AUTS2: variants seen among roughly 807,000 people sequenced by gnomAD.
The protein encoded by AUTS2 is activator of transcription and developmental regulator AUTS2.
In AUTS2, 17 loss-of-function variants were observed where a neutral mutation model predicts 112.4. That is an observed-to-expected ratio of 0.15 (90% CI 0.10 to 0.23). The LOEUF (loss-of-function observed/expected upper bound fraction) is 0.23. Among genes scored for constraint, AUTS2 ranks in the 10% least tolerant of loss-of-function variants. The pLI is 1.00. For missense variants in AUTS2, 1,510 were observed against 1,701.6 expected (o/e 0.89, Z 1.98); for synonymous variants, 751 against 702.7 (o/e 1.07, Z -1.09).
At chr7:69,861,363 A>T (rs2129532522) in intron 1 of AUTS2, among the ~76,000 whole-genome samples, 1 of 152,174 alleles carries the variant, frequency 6.6e-6, no homozygotes, top group African/African-American at 2.4e-5. Flanking sequence ...TTTTGGAGGG[A>T]CATGGTGCTC....
At chr7:70,293,625 T>C (rs1450293365) in intron 4 of AUTS2, 2 of 152,188 alleles carry the variant, frequency 1.3e-5, no homozygotes, top group East Asian at 3.9e-4. Context: ...CCTTTTTCTC[T>C]GAATTTATTT....
intron 1 of AUTS2, among the ~76,000 whole-genome samples, chr7:69,704,585 A>T (rs1279221774): frequency 6.6e-6 from 1 of 152,138 alleles, no homozygotes; most frequent in East Asian, 1.9e-4. Flanking sequence ...ATACCATTAT[A>T]GCCTAATTTT....
chr7:70,729,851 A>G (rs899535428), intron 6 of AUTS2, among the ~76,000 whole-genome samples: 3 of 124,640 alleles, frequency 2.4e-5, no homozygotes, highest in Non-Finnish European at 5.0e-5. Flanking sequence ...CTGTTTGCCC[A>G]TTGTATGTAT....
At chr7:69,798,499 T>A (rs1789946650) in intron 1 of AUTS2, among the ~76,000 whole-genome samples, 1 of 152,144 alleles carries the variant, frequency 6.6e-6, no homozygotes, top group Non-Finnish European at 1.5e-5. Context: ...CTGTGGCCCC[T>A]AATTTTTTTT....
intron 1 of AUTS2, among the ~76,000 whole-genome samples, chr7:69,894,036 T>C (rs1018740982): frequency 1.3e-5 from 2 of 152,170 alleles, no homozygotes; most frequent in African/African-American, 2.4e-5. Context: ...ACTGTGACCC[T>C]GCCCTCCATC....
intron 5 of AUTS2, among the ~76,000 whole-genome samples, chr7:70,607,556 G>C (rs1803849899): frequency 6.6e-6 from 1 of 152,152 alleles, no homozygotes; most frequent in Non-Finnish European, 1.5e-5. Flanking sequence ...TGGATGCTGG[G>C]TGATTTCTAC....
intron 3 of AUTS2, among the ~76,000 whole-genome samples, chr7:70,125,721 A>T (rs1805936368): frequency 6.6e-6 from 1 of 151,042 alleles, no homozygotes; most frequent in Non-Finnish European, 1.5e-5. Context: ...TGGCATGAAA[A>T]CTCTCCAGGC....
At chr7:70,716,800 G>A (rs1190410335) in intron 6 of AUTS2, among the ~76,000 whole-genome samples, 1 of 152,080 alleles carries the variant, frequency 6.6e-6, no homozygotes, top group African/African-American at 2.4e-5. Context: ...ACCATGGGCG[G>A]CAGGCTGTCA....
chr7:70,221,668 C>A (rs1039796583), intron 4 of AUTS2, among the ~76,000 whole-genome samples: 3 of 152,222 alleles, frequency 2.0e-5, no homozygotes, highest in African/African-American at 7.2e-5. Flanking sequence ...GGGCAGATCA[C>A]CTGAGGTCAG....
chr7:70,344,291 G>T lies in AUTS2; in HGVS notation c.661-91461G>T, dbSNP rs187686943. Among the ~76,000 whole-genome samples the T allele has an allele frequency of 2.2e-3, 340 of 152,146 alleles. 1 individual carries two copies. The highest frequency in any genetic ancestry group is 3.6e-3 in the Non-Finnish European group (242 of 67,984). ...TGCAAGGTAAAGTCAAGAGAACCTA[G>T]GGCAGAAAAAAATACGAGGCATGAG... On this transcript the variant is annotated intron_variant, in intron 4 of 18. Transcript: ENST00000342771.
At chr7:70,743,408 G>T (rs1410908618) in intron 6 of AUTS2, among the ~76,000 whole-genome samples, 3 of 144,370 alleles carry the variant, frequency 2.1e-5, no homozygotes, top group Non-Finnish European at 4.5e-5. Flanking sequence ...GGCAGAGGTT[G>T]CAGTGAGCCG....
At chr7:69,974,548 A>G (rs1049892625) in intron 2 of AUTS2, among the ~76,000 whole-genome samples, 2 of 152,068 alleles carry the variant, frequency 1.3e-5, no homozygotes, top group African/African-American at 4.8e-5. Context: ...ATCTCTTTTC[A>G]AGACTGAAGG....
intron 1 of AUTS2, among the ~76,000 whole-genome samples, chr7:69,679,580 ACT>A (rs1278961710): frequency 6.6e-5 from 10 of 152,210 alleles, no homozygotes; most frequent in African/African-American, 7.2e-5. Flanking sequence ...TAAAAAAATA[ACT>A]CTGTCTGCAT....
At chr7:70,064,343 C>T (rs1802391981) in intron 2 of AUTS2, among the ~76,000 whole-genome samples, 2 of 152,132 alleles carry the variant, frequency 1.3e-5, no homozygotes, top group Non-Finnish European at 2.9e-5. Flanking sequence ...GCAGAAAAGC[C>T]CAGCTCACCC....
At chr7:70,681,378 T>G (rs979684838) in intron 5 of AUTS2, among the ~76,000 whole-genome samples, 2 of 152,102 alleles carry the variant, frequency 1.3e-5, no homozygotes, top group African/African-American at 4.8e-5. Flanking sequence ...CGCTGTCACT[T>G]GGAGTCATTC....
intron 2 of AUTS2, among the ~76,000 whole-genome samples, chr7:69,906,547 G>A (rs1419854651): frequency 1.3e-5 from 2 of 152,158 alleles, no homozygotes; most frequent in Non-Finnish European, 2.9e-5. Flanking sequence ...GCAGTCTTTC[G>A]GTGACATCTG....
chr7:70,775,440 G>T, intron 13 of AUTS2, 54 bp downstream of exon 13: 4 of 1,403,212 alleles, frequency 2.9e-6, no homozygotes, highest in Non-Finnish European at 4.0e-6. Context: ...CTCCCTGTGG[G>T]TTAAAAATAC....
chr7:70,659,139 G>A (rs919205707), intron 5 of AUTS2, among the ~76,000 whole-genome samples: 2 of 152,158 alleles, frequency 1.3e-5, no homozygotes, highest in African/African-American at 2.4e-5. Context: ...TCTCAGGGGG[G>A]ACAAGGAGCC....
At chr7:70,300,178 A>T (rs771725570) in intron 4 of AUTS2, among the ~76,000 whole-genome samples, 6 of 152,146 alleles carry the variant, frequency 3.9e-5, no homozygotes, top group Non-Finnish European at 1.5e-5. Flanking sequence ...GCTACATTGG[A>T]AGAAGAATTG....
Sources: allele counts gnomAD v4.1 joint callset (sites outside exome capture counted in the v4.1 genomes callset), GRCh38; gene constraint gnomAD v4.1.1; transcripts MANE v1.5; gene names NCBI Gene and HGNC (gene_info 2026-07-23, HGNC 2026-07-21).